The following HDAC1 variants were observed in gnomAD, a reference collection of about 807,000 sequenced individuals.
HDAC1 encodes protein deacetylase HDAC1.
Under a neutral mutation model 65.5 loss-of-function variants are expected in HDAC1, and 18 were observed. The ratio of observed to expected loss-of-function variants is 0.27; its 90% CI spans 0.19 to 0.41. The LOEUF (loss-of-function observed/expected upper bound fraction) is 0.41, where lower values mean the gene tolerates loss of function less well. Ranked by LOEUF, HDAC1 falls within the 10% of genes least tolerant of loss-of-function variation. The probability of loss-of-function intolerance (pLI) is 1.00; values close to 1 mark genes in which losing one functional copy is unlikely to be tolerated. For missense variants in HDAC1, 373 were observed against 625.2 expected, an observed-to-expected ratio of 0.60 and a Z score of 4.30; for synonymous variants, 211 against 227.9, an observed-to-expected ratio of 0.93 and a Z score of 0.67.
In HDAC1 at chr1:32,332,111, T is replaced by C; in HGVS notation, c.1241T>C (p.Ile414Thr). ...CCAGTCTGCTCCTCTGACAAACGAA[T>C]TGCCTGTGAGGAAGAGTTCTCCGAT... ...RISICSSDKRIACEEEFSDSE... is the reference protein window; with the variant it reads ...RISICSSDKRTACEEEFSDSE... Residue 414 changes from isoleucine to threonine, a missense_variant, in exon 12 of 14, where the codon ATT becomes ACT. By Grantham distance (89) the Ile-to-Thr change is moderately conservative (BLOSUM62 -1). This residue lies in a region of HDAC1 where 126 missense variants were observed against 126.2 expected (regional missense o/e 1.00). Coordinates refer to ENST00000373548, the MANE Select transcript of HDAC1 (RefSeq NM_004964.3). 3 of 1,606,704 alleles carry C rather than the reference T, an allele frequency of 1.9e-6. No individual in the cohort carries two copies. Among genetic ancestry groups the C allele is most frequent in the Non-Finnish European group, 2.5e-6 (3 of 1,176,788 alleles).
chr1:32,310,884 CAG>C (rs1640981623), intron 2 of HDAC1, among the ~76,000 whole-genome samples: 2 of 138,994 alleles, frequency 1.4e-5, no homozygotes, highest in Non-Finnish European at 3.1e-5. Flanking sequence ...CAGAAAGAAA[CAG>C]GGAGAGGGAG....
intron 3 of HDAC1, 83 bp downstream of exon 3, chr1:32,316,865 G>A (rs1470881855): frequency 5.9e-6 from 5 of 847,972 alleles, no homozygotes; most frequent in Non-Finnish European, 8.1e-6. Context: ...TGCCGTCCTC[G>A]CACCTCCCAT....
At position 32,330,894 on chromosome 1, in the gene HDAC1, C is replaced by G. The variant is rs565534358; in HGVS notation, c.965C>G (p.Thr322Arg). The G allele has an allele frequency of 6.2e-7, 1 of 1,614,098 alleles. No individual in the cohort carries two copies. Among genetic ancestry groups the G allele is most frequent in the South Asian group, 1.1e-5 (1 of 91,084 alleles). ...WTYETAVALD[T>R]EIPNELPYND... ...TATGAGACAGCTGTGGCCCTGGATA[C>G]GGAGATCCCTAATGGTAATAGCTGC... Residue 322 changes from threonine to arginine, a missense_variant, in exon 9 of 14, where the codon ACG becomes AGG. By Grantham distance (71) the Thr-to-Arg change is moderately conservative. This residue lies in a region of HDAC1 where 105 missense variants were observed against 192.6 expected (regional missense o/e 0.55). Transcript: ENST00000373548. The surrounding 1 kb of genome is among the most constrained non-coding windows in gnomAD (Gnocchi z 4.2).
In HDAC1 at chr1:32,331,970, T is replaced by A. The variant is rs1641298439; in HGVS notation, c.1220-120T>A. On this transcript the variant is annotated intron_variant, in intron 11 of 13. Coordinates refer to ENST00000373548, the MANE Select transcript of HDAC1 (RefSeq NM_004964.3). This position sits in a 1 kb window ranked among gnomAD's most constrained non-coding sequence, Gnocchi z 4.2. ...AGGTTAGGGAGCCCGAGTTCCTCCC[T>A]CTTCTGGTTCCCTTTCCCTTGGTGT... 7 of 1,394,252 alleles carry A rather than the reference T, an allele frequency of 5.0e-6. No individual in the cohort carries two copies. In the South Asian group the frequency reaches 1.0e-4, roughly 20 times the overall value. The allele number at this position is 1,394,252 out of a possible 1,614,324, so 86.4% of individuals were successfully genotyped here. A position where few individuals can be genotyped will look rare whatever the true frequency, so the allele number is the denominator to read the frequency against.
intron 2 of HDAC1, among the ~76,000 whole-genome samples, chr1:32,315,830 T>C (rs1010122250): frequency 6.8e-6 from 1 of 147,380 alleles, no homozygotes; most frequent in African/African-American, 2.5e-5. Context: ...GCCAGCGTCG[T>C]GGTGGGCGCC....
At chr1:32,319,507 T>C (rs1322947047) in intron 3 of HDAC1, among the ~76,000 whole-genome samples, 2 of 152,188 alleles carry the variant, frequency 1.3e-5, no homozygotes, top group African/African-American at 4.8e-5. Flanking sequence ...GGGGTCTTGC[T>C]TTGTCATCCA....
At chr1:32,322,289 T>C (rs775352840) in intron 3 of HDAC1, among the ~76,000 whole-genome samples, 5 of 151,656 alleles carry the variant, frequency 3.3e-5, no homozygotes, top group African/African-American at 7.3e-5. Context: ...TTTTTTTTTT[T>C]CTCCTGAGAT....
rs1191789440 is a variant in HDAC1 at position 32,327,220 on chromosome 1, T to G, written c.494+143T>G. On this transcript the variant is annotated intron_variant, in intron 5 of 13. Coordinates refer to ENST00000373548, the MANE Select transcript of HDAC1 (RefSeq NM_004964.3). This position sits in a 1 kb window ranked among gnomAD's most constrained non-coding sequence, Gnocchi z 6.0. Reference sequence around the variant, plus strand: ...GCTCGGTGAGTGTCTCTGGCCATCATCTCCTTGATGGGGTCTTGGTTTGAT... The same window carrying G: ...GCTCGGTGAGTGTCTCTGGCCATCAGCTCCTTGATGGGGTCTTGGTTTGAT... 3 of 767,894 alleles carry G rather than the reference T, an allele frequency of 3.9e-6. No homozygotes were observed. The African/African-American group carries it at 5.2e-5, about 13-fold the overall frequency. 47.6% of individuals were successfully genotyped at this position (767,894 alleles called of 1,614,324 possible). A position where few individuals can be genotyped will look rare whatever the true frequency, so the allele number is the denominator to read the frequency against.
chr1:32,295,009 T>C (rs1158491905), intron 1 of HDAC1, among the ~76,000 whole-genome samples: 1 of 152,118 alleles, frequency 6.6e-6, no homozygotes. Flanking sequence ...TGATAACTGT[T>C]AAGATGTTTA....
intron 2 of HDAC1, among the ~76,000 whole-genome samples, chr1:32,315,362 AT>A (rs1049751835): frequency 3.3e-5 from 5 of 151,118 alleles, no homozygotes; most frequent in Admixed American, 3.3e-4. Flanking sequence ...TTTTTAATTT[AT>A]TTTTTTGAGA....
chr1:32,332,031 A>G, intron 11 of HDAC1, 59 bp from the exon 12 acceptor site: 1 of 1,490,350 alleles, frequency 6.7e-7, no homozygotes, highest in Non-Finnish European at 8.9e-7. Context: ...CTGGGCATAG[A>G]TGCTGAGCTA....
chr1:32,331,903 C>T lies in HDAC1; in HGVS notation c.1219+97C>T, dbSNP rs1030225092. On this transcript the variant is annotated intron_variant, in intron 11 of 13. Coordinates refer to ENST00000373548, the MANE Select transcript of HDAC1 (RefSeq NM_004964.3). This position sits in a 1 kb window ranked among gnomAD's most constrained non-coding sequence, Gnocchi z 4.2. ...TGCACACTCCCTCCAAGCTCCCCACCTGTAGAGAAATCTGTTTTCGAGTTC... is the reference window on the plus strand; with the variant it reads ...TGCACACTCCCTCCAAGCTCCCCACTTGTAGAGAAATCTGTTTTCGAGTTC... 24 of 1,479,056 alleles carry T rather than the reference C, an allele frequency of 1.6e-5. No homozygotes were observed. The African/African-American group carries it at 3.4e-4, about 21-fold the overall frequency. The allele number at this position is 1,479,056 out of a possible 1,614,324, so 91.6% of individuals were successfully genotyped here.
At position 32,329,060 on chromosome 1, in the gene HDAC1, T is replaced by G. The variant is rs753457637; in HGVS notation, c.637-8T>G. The G allele has an allele frequency of 6.4e-7, 1 of 1,568,404 alleles. No homozygotes were observed. The highest frequency in any genetic ancestry group is 1.1e-5 in the South Asian group (1 of 90,162). ...CTTCAGTTTTACTTTAATGGCCTTT[T>G]TAATTAGGATATCGGGGCTGGCAAA... On this transcript the variant is annotated splice_region_variant and splice_polypyrimidine_tract_variant and intron_variant, in intron 6 of 13. Transcript: ENST00000373548. The surrounding 1 kb of genome is among the most constrained non-coding windows in gnomAD (Gnocchi z 4.1).
In HDAC1 at chr1:32,331,523, C is replaced by T. The variant is rs868832750; in HGVS notation, c.1029C>T (p.Leu343=). The T allele has an allele frequency of 5.0e-6, 8 of 1,612,822 alleles. No individual in the cohort carries two copies. The highest frequency in any genetic ancestry group is 1.1e-5 in the South Asian group (1 of 91,046). Residue 343 remains leucine, a synonymous_variant, in exon 10 of 14, where the codon CTC becomes CTT. Transcript: ENST00000373548. The surrounding 1 kb of genome is among the most constrained non-coding windows in gnomAD (Gnocchi z 4.2). ...AATACTTTGGACCAGATTTCAAGCT[C>T]CACATCAGTCCTTCCAATATGACTA... ...YFEYFGPDFK[L]HISPSNMTNQ... is the part of the protein sequence containing the mutation.
Position 32,331,825 on chromosome 1 carries a change from G to A in HDAC1, c.1219+19G>A. On this transcript the variant is annotated intron_variant, in intron 11 of 13. Coordinates refer to ENST00000373548, the MANE Select transcript of HDAC1 (RefSeq NM_004964.3). This position sits in a 1 kb window ranked among gnomAD's most constrained non-coding sequence, Gnocchi z 4.2. ...ATCTCGAGTGAGACCCAGACCTAGA[G>A]CCCTATGCCTTCCATTCAATAGGCA... 1 of 1,585,754 alleles carries A rather than the reference G, an allele frequency of 6.3e-7. No homozygotes were observed. Among genetic ancestry groups the A allele is most frequent in the Non-Finnish European group, 8.6e-7 (1 of 1,164,950 alleles).
intron 12 of HDAC1, 21 bp from the exon 13 acceptor site, chr1:32,332,680 C>G: frequency 6.5e-7 from 1 of 1,550,336 alleles, no homozygotes; most frequent in Non-Finnish European, 8.7e-7. Flanking sequence ...CCTTGGCCAT[C>G]CCTGTACTCT....
At chr1:32,332,296 T>C in intron 12 of HDAC1, 54 bp downstream of exon 12, 1 of 1,521,890 alleles carries the variant, frequency 6.6e-7, no homozygotes, top group Non-Finnish European at 8.9e-7. Flanking sequence ...GATGAATCTA[T>C]GTAGGGCAGT....
chr1:32,314,594 A>G (rs1385612641), intron 2 of HDAC1, among the ~76,000 whole-genome samples: 1 of 152,026 alleles, frequency 6.6e-6, no homozygotes, highest in African/African-American at 2.4e-5. Flanking sequence ...TGGGAGGCCG[A>G]GGCGGGTGGA....
intron 1 of HDAC1, among the ~76,000 whole-genome samples, chr1:32,298,986 G>A (rs1640809468): frequency 6.6e-6 from 1 of 152,152 alleles, no homozygotes; most frequent in African/African-American, 2.4e-5. Flanking sequence ...GTGACAGAGT[G>A]AGACTCTGTC....
Sources: gnomAD v4.1 joint callset for allele counts (sites outside exome capture counted in the v4.1 genomes callset) on GRCh38, gnomAD v4.1.1 for gene constraint, gnomAD v4.1.1 regional missense constraint, Gnocchi (gnomAD v3.1) non-coding constraint, MANE v1.5 for transcripts, NCBI Gene and HGNC (gene_info 2026-07-23, HGNC 2026-07-21) for gene names.